Variants in SH2D7 observed in about 807,000 individuals in gnomAD.
The protein encoded by SH2D7 is SH2 domain containing 7.
A neutral mutation model predicts 40.8 loss-of-function variants in SH2D7; 32 were observed. The observed-to-expected ratio is 0.78, with a 90% CI of 0.59 to 1.05. The LOEUF (loss-of-function observed/expected upper bound fraction) is 1.05. Among genes scored for constraint, SH2D7 ranks in the 50% least tolerant of loss-of-function variants. The pLI, the probability that SH2D7 is intolerant of heterozygous loss-of-function variation, is 0.00. For missense variants in SH2D7, 559 were observed against 566.6 expected, an observed-to-expected ratio of 0.99 and a Z score of 0.14; for synonymous variants, 195 against 221.5, an observed-to-expected ratio of 0.88 and a Z score of 1.06.
In SH2D7 at chr15:78,094,214, GC is replaced by G. The variant is rs779644786; in HGVS notation, c.266+16del. ...TCTTGTCCTACAGGTAAGAGGGGAA[GC>G]CCTCTGGGCAAGCAAGCTCATCCTA... is the stretch of plus-strand genomic sequence containing the variant. On this transcript the variant is annotated intron_variant, in intron 2 of 5. Transcript: ENST00000328828. 1 of 1,600,432 alleles carries G rather than the reference GC, an allele frequency of 6.2e-7. No homozygotes were observed. Among genetic ancestry groups the G allele is most frequent in the Non-Finnish European group, 8.5e-7 (1 of 1,173,406 alleles).
rs746858657 is a variant in SH2D7, at chr15:78,098,471, C to G, written c.520C>G (p.Leu174Val). ...AGAAAACCCACCTGCCACGGCATTC[C>G]TCACAGTGGTCCCCGACAAGGCCGC... The part of the protein sequence containing the change: ...DPENPPATAF[L>V]TVVPDKAASP... The change falls in exon 4 of 6, where the codon CTC (leucine) becomes GTC (valine). Residue 174 changes from leucine (L) to valine (V), a missense_variant. Transcript: ENST00000328828. The G allele has an allele frequency of 1.9e-6, 3 of 1,613,924 alleles. No individual in the cohort carries two copies. Among genetic ancestry groups the G allele is most frequent in the Non-Finnish European group, 2.5e-6 (3 of 1,179,904 alleles).
At chr15:78,093,199 T>C (rs1446451144) in intron 1 of SH2D7, among the ~76,000 whole-genome samples, 3 of 152,198 alleles carry the variant, frequency 2.0e-5, no homozygotes, top group Non-Finnish European at 4.4e-5. Flanking sequence ...GGCTTTCTAT[T>C]TGGGCTGGGT....
chr15:78,100,899 GCTCCCATCAGA>G lies in SH2D7; in HGVS notation c.647_657del (p.Ala216GlyfsTer6). The G allele has an allele frequency of 6.2e-7, 1 of 1,612,620 alleles. No homozygotes were observed. Among genetic ancestry groups the G allele is most frequent in the Non-Finnish European group, 8.5e-7 (1 of 1,179,512 alleles). Reference sequence around the variant, plus strand: ...AGTTTCTCTGTCCCTGTCTCCCCAGGCTCCCATCAGAGTGTCTCCACTCCCTGAGAAGAGTT... The same window carrying G: ...AGTTTCTCTGTCCCTGTCTCCCCAGGGTGTCTCCACTCCCTGAGAAGAGTT... On this transcript the variant is annotated frameshift_variant and splice_region_variant, in exon 5 of 6. Transcript: ENST00000328828. LOFTEE classifies it high-confidence loss of function.
In SH2D7 at chr15:78,100,918, C is replaced by T; in HGVS notation, c.665C>T (p.Pro222Leu). 1 of 1,613,656 alleles carries T rather than the reference C, an allele frequency of 6.2e-7. No individual in the cohort carries two copies. The highest frequency in any genetic ancestry group is 1.1e-5 in the South Asian group (1 of 91,072). ...CCCCAGGCTCCCATCAGAGTGTCTCCACTCCCTGAGAAGAGTTCCTCCCTC... is the reference window on the plus strand; with the variant it reads ...CCCCAGGCTCCCATCAGAGTGTCTCTACTCCCTGAGAAGAGTTCCTCCCTC... ...ESMEAPIRVS[P>L]LPEKSSSLLE... is the part of the protein sequence containing the mutation. Residue 222 changes from proline (P) to leucine (L), a missense_variant, in exon 5 of 6, where the codon CCA becomes CTA. By Grantham distance (98) the Pro-to-Leu change is moderately conservative. Coordinates refer to ENST00000328828, the MANE Select transcript of SH2D7 (RefSeq NM_001101404.2).
chr15:78,101,385 C>T lies in SH2D7; in HGVS notation c.1132C>T (p.Pro378Ser). 1.2e-6 allele frequency: 2 copies of T among 1,613,528 alleles called. No individual in the cohort carries two copies. Among genetic ancestry groups the T allele is most frequent in the Admixed American group, 1.7e-5 (1 of 59,972 alleles). Residue 378 changes from proline (P) to serine (S), a missense_variant, in exon 5 of 6, where the codon CCA becomes TCA. Transcript: ENST00000328828. The part of the protein sequence containing the change: ...DQEGSTYEQI[P>S]ACWGGPARAP... Reference sequence around the variant, plus strand: ...AGAAGGCAGCACCTATGAGCAGATCCCAGCTTGCTGGGGTGGCCCAGCCAG... The same window carrying T: ...AGAAGGCAGCACCTATGAGCAGATCTCAGCTTGCTGGGGTGGCCCAGCCAG...
intron 4 of SH2D7, among the ~76,000 whole-genome samples, chr15:78,099,578 C>T (rs1016680994): frequency 4.0e-5 from 6 of 151,630 alleles, no homozygotes; most frequent in Non-Finnish European, 8.8e-5. Flanking sequence ...CCGCCTACCT[C>T]GGCCTCCCAA....
At position 78,103,561 on chromosome 15, in the gene SH2D7, G is replaced by T; in HGVS notation, c.*46G>T. 2 of 1,551,186 alleles carry T rather than the reference G, an allele frequency of 1.3e-6. No individual in the cohort carries two copies. Among genetic ancestry groups the T allele is most frequent in the Non-Finnish European group, 8.7e-7 (1 of 1,146,474 alleles). ...CACCAGTGGGTTTCCTGGTACCCAGGCCATGCCAGGGGTTATCGCAAAGGC... is the reference window on the plus strand; with the variant it reads ...CACCAGTGGGTTTCCTGGTACCCAGTCCATGCCAGGGGTTATCGCAAAGGC... On this transcript the variant is annotated 3_prime_UTR_variant, in exon 6 of 6. Coordinates refer to ENST00000328828, the MANE Select transcript of SH2D7 (RefSeq NM_001101404.2).
upstream of SH2D7, among the ~76,000 whole-genome samples, chr15:78,091,540 G>C (rs1290772253): frequency 2.6e-5 from 4 of 152,140 alleles, no homozygotes; most frequent in African/African-American, 9.7e-5. Flanking sequence ...CAAGATCCTT[G>C]AGGCTGACTG....
chr15:78,092,632 G>C lies in SH2D7; in HGVS notation c.48G>C (p.Gly16=), dbSNP rs754371487. 6.4e-7 allele frequency: 1 copy of C among 1,557,442 alleles called. No homozygotes were observed. Among genetic ancestry groups the C allele is most frequent in the Admixed American group, 1.9e-5 (1 of 51,396 alleles). The change falls in exon 1 of 6, where the codon GGG becomes GGC. Residue 16 remains glycine (G), a synonymous_variant. Transcript: ENST00000328828. ...TCAGCCTGGGGAGAGATCCTGAGGG[G>C]GCAGGGGACAGCCAGGCCCTGGCTG... ...KQLSLGRDPE[G]AGDSQALAEL...
rs1421475391 is a variant in SH2D7 at position 78,101,296 on chromosome 15, C to A, written c.1043C>A (p.Ala348Glu). 2 of 1,612,860 alleles carry A rather than the reference C, an allele frequency of 1.2e-6. No homozygotes were observed. Among genetic ancestry groups the A allele is most frequent in the East Asian group, 2.2e-5 (1 of 44,848 alleles). The change falls in exon 5 of 6, where the codon GCA becomes GAA. Residue 348 changes from alanine (A) to glutamate (E), a missense_variant. Physicochemically the swap from Ala to Glu is moderately radical, Grantham distance 107. Transcript: ENST00000328828. ...EAQPCSQGSS[A>E]DIYEFIGTEG... ...CAGCCCTGCTCCCAGGGCAGCTCTG[C>A]AGATATCTATGAGTTCATCGGGACA...
chr15:78,100,361 G>A (rs1439283861), intron 4 of SH2D7, among the ~76,000 whole-genome samples: 1 of 152,152 alleles, frequency 6.6e-6, no homozygotes, highest in Non-Finnish European at 1.5e-5. Flanking sequence ...GGGAAAGTTG[G>A]GTGGGAGTGC....
At chr15:78,103,041 G>A (rs746195642) in intron 5 of SH2D7, among the ~76,000 whole-genome samples, 66 of 152,038 alleles carry the variant, frequency 4.3e-4, no homozygotes, top group Admixed American at 2.9e-3. Context: ...ACCCTCAGAA[G>A]CCACATCCCA....
In SH2D7 at chr15:78,097,188, G is replaced by T. The variant is rs540725875; in HGVS notation, c.267-741G>T. ...AGACTAATCTATGCTGATAGGCGTCGGAATGGTGGCTACCTTTAGGGGGCA... is the reference window on the plus strand; with the variant it reads ...AGACTAATCTATGCTGATAGGCGTCTGAATGGTGGCTACCTTTAGGGGGCA... On this transcript the variant is annotated intron_variant, in intron 2 of 5. Transcript: ENST00000328828. Among the ~76,000 whole-genome samples, 4 of 152,326 alleles carry T rather than the reference G, an allele frequency of 2.6e-5. No homozygotes were observed. The East Asian group carries it at 7.7e-4, about 29-fold the overall frequency.
chr15:78,103,180 G>C (rs571786123), intron 5 of SH2D7, among the ~76,000 whole-genome samples: 2 of 152,258 alleles, frequency 1.3e-5, no homozygotes, highest in South Asian at 2.1e-4. Context: ...GGGGAGACCA[G>C]GGCACTCCAG....
chr15:78,094,676 T>C (rs936570661), intron 2 of SH2D7, among the ~76,000 whole-genome samples: 1 of 152,062 alleles, frequency 6.6e-6, no homozygotes, highest in South Asian at 2.1e-4. Flanking sequence ...GGAAAAAGCT[T>C]AGAATGGCCT....
At chr15:78,100,863 T>C in intron 4 of SH2D7, 36 bp from the exon 5 acceptor site, 13 of 1,598,192 alleles carry the variant, frequency 8.1e-6, no homozygotes, top group Non-Finnish European at 1.1e-5. Context: ...AGTGATGGGC[T>C]GCCCCTTAAG....
At chr15:78,092,440 C>T (rs2073945028), upstream of SH2D7, 1 of 870,174 alleles carries the variant, frequency 1.1e-6, no homozygotes, top group Non-Finnish European at 1.7e-6. Flanking sequence ...AGAGAACCAG[C>T]CACCAGCCCA....
At chr15:78,100,087 A>T (rs978044392) in intron 4 of SH2D7, among the ~76,000 whole-genome samples, 1 of 152,188 alleles carries the variant, frequency 6.6e-6, no homozygotes, top group Non-Finnish European at 1.5e-5. Context: ...ATCATATAGC[A>T]CATCAAACCA....
intron 5 of SH2D7, 71 bp downstream of exon 5, chr15:78,101,629 GC>G (rs1466357867): frequency 4.7e-6 from 7 of 1,474,806 alleles, no homozygotes; most frequent in Non-Finnish European, 6.3e-6. Flanking sequence ...ACAACCTGAA[GC>G]CCCCAGGCAT....
Sources: allele counts gnomAD v4.1 joint callset (sites outside exome capture counted in the v4.1 genomes callset), GRCh38; gene constraint gnomAD v4.1.1; transcripts MANE v1.5; gene names NCBI Gene and HGNC (gene_info 2026-07-23, HGNC 2026-07-21).